The following DENND4A variants were observed in gnomAD, a reference collection of about 807,000 sequenced individuals.
The protein encoded by DENND4A is DENN domain containing 4A.
Under a neutral mutation model 199.3 loss-of-function variants are expected in DENND4A, and 70 were observed. The ratio of observed to expected loss-of-function variants is 0.35; its 90% CI spans 0.29 to 0.43. The LOEUF is 0.43. Among genes scored for constraint, DENND4A ranks in the 20% least tolerant of loss-of-function variants. The pLI is 1.00. For synonymous variants in DENND4A, 686 were observed against 766.9 expected, an observed-to-expected ratio of 0.89 and a Z score of 1.74; for missense variants, 1,723 against 2,255.8, an observed-to-expected ratio of 0.76 and a Z score of 4.78.
chr15:65,710,071 G>A (rs191476255), intron 14 of DENND4A, among the ~76,000 whole-genome samples: 12 of 152,082 alleles, frequency 7.9e-5, no homozygotes, highest in Admixed American at 3.9e-4. Flanking sequence ...TAAACAACAG[G>A]TGGCCTACAG....
At chr15:65,689,624 C>A (rs1328295259) in intron 23 of DENND4A, among the ~76,000 whole-genome samples, 1 of 152,188 alleles carries the variant, frequency 6.6e-6, no homozygotes, top group Non-Finnish European at 1.5e-5. Context: ...TCTGGCAGCT[C>A]CTGAATCGAG....
intron 14 of DENND4A, among the ~76,000 whole-genome samples, chr15:65,713,403 G>A (rs531439910): frequency 7.6e-4 from 115 of 152,254 alleles, no homozygotes; most frequent in Middle Eastern, 3.4e-3. Context: ...ACCTATTAGA[G>A]GAACACAATG....
At position 65,690,777 on chromosome 15, in the gene DENND4A, G is replaced by T. The variant is rs908967441; in HGVS notation, c.3817C>A (p.Gln1273Lys). ...LTSRTPSIDL[Q>K]RACDDKLNKK... is the part of the protein sequence containing the mutation. ...TTTAATTTATCATCACATGCCCGTT[G>T]TAAATCAATGCTTGGTGTACGACTT... Residue 1273 changes from glutamine to lysine, a missense_variant, in exon 23 of 33, where the codon CAA becomes AAA. Physicochemically the swap from Gln to Lys is moderately conservative, Grantham distance 53 (BLOSUM62 1). Transcript: ENST00000443035. 6 of 1,613,310 alleles carry T rather than the reference G, an allele frequency of 3.7e-6. No homozygotes were observed. The African/African-American group carries it at 8.0e-5, about 22-fold the overall frequency.
At chr15:65,671,188 G>C (rs1264083037) in intron 25 of DENND4A, among the ~76,000 whole-genome samples, 1 of 152,114 alleles carries the variant, frequency 6.6e-6, no homozygotes, top group African/African-American at 2.4e-5. Flanking sequence ...GAACATTCAT[G>C]AAACAAACCC....
intron 20 of DENND4A, among the ~76,000 whole-genome samples, chr15:65,700,045 A>T (rs1177800843): frequency 6.6e-6 from 1 of 151,970 alleles, no homozygotes; most frequent in Non-Finnish European, 1.5e-5. Context: ...TAAGATTTAG[A>T]AGTTGCAAAA....
rs1392054789 is a variant in DENND4A at position 65,771,318 on chromosome 15, A to G, written c.-101-9880T>C. 3.1e-6 allele frequency: 5 copies of G among 1,589,200 alleles called. No homozygotes were observed. The African/African-American group carries it at 6.7e-5, about 21-fold the overall frequency. ...GTTTTTTGTTGTCTTTCTTTCCAGCAGTTATTTCGAATATTAGTCACATAA... is the reference window on the plus strand; with the variant it reads ...GTTTTTTGTTGTCTTTCTTTCCAGCGGTTATTTCGAATATTAGTCACATAA... On this transcript the variant is annotated intron_variant, in intron 1 of 32. Transcript: ENST00000443035.
intron 24 of DENND4A, among the ~76,000 whole-genome samples, chr15:65,673,781 T>G (rs1339636692): frequency 6.6e-6 from 1 of 152,164 alleles, no homozygotes; most frequent in Non-Finnish European, 1.5e-5. Flanking sequence ...TTGATGCTTC[T>G]TCCCAAAAAC....
chr15:65,788,201 C>G (rs900703737), intron 1 of DENND4A, among the ~76,000 whole-genome samples: 50 of 152,044 alleles, frequency 3.3e-4, no homozygotes, highest in African/African-American at 1.1e-3. Flanking sequence ...CTCAGCCTCC[C>G]GAGTAGCTGG....
intron 3 of DENND4A, among the ~76,000 whole-genome samples, chr15:65,752,870 T>C (rs1454828793): frequency 6.6e-6 from 1 of 152,190 alleles, no homozygotes; most frequent in Non-Finnish European, 1.5e-5. Context: ...CAGAGAAAGG[T>C]ACAATTAAAT....
chr15:65,773,002 CAAA>C (rs61241995), intron 1 of DENND4A, among the ~76,000 whole-genome samples: 6 of 102,146 alleles, frequency 5.9e-5, no homozygotes, highest in South Asian at 3.1e-4. Context: ...TGTTTCTAAG[CAAA>C]AAAAAAAAAA....
intron 15 of DENND4A, among the ~76,000 whole-genome samples, chr15:65,705,311 T>C (rs556275318): frequency 6.9e-4 from 105 of 152,328 alleles, no homozygotes; most frequent in African/African-American, 2.5e-3. Flanking sequence ...GGGTGATAGA[T>C]GTGAAATGGT....
At chr15:65,699,184 T>C (rs2077261482) in intron 20 of DENND4A, among the ~76,000 whole-genome samples, 1 of 152,170 alleles carries the variant, frequency 6.6e-6, no homozygotes, top group African/African-American at 2.4e-5. Context: ...ACTATGAATA[T>C]TACATTTCAA....
At chr15:65,783,445 A>G (rs2077485389) in intron 1 of DENND4A, among the ~76,000 whole-genome samples, 1 of 152,210 alleles carries the variant, frequency 6.6e-6, no homozygotes, top group African/African-American at 2.4e-5. Flanking sequence ...TACAGATAAT[A>G]GTTATATATG....
intron 4 of DENND4A, among the ~76,000 whole-genome samples, chr15:65,742,818 A>G (rs1040568585): frequency 7.9e-5 from 12 of 152,178 alleles, no homozygotes; most frequent in African/African-American, 2.9e-4. Context: ...TATATGCTCA[A>G]TGAGGGTAGG....
At chr15:65,738,928 A>G (rs2076180129) in intron 5 of DENND4A, 53 bp from the exon 6 acceptor site, 9 of 1,301,326 alleles carry the variant, frequency 6.9e-6, no homozygotes, top group Non-Finnish European at 9.3e-6. Context: ...TTAGGTACTT[A>G]TTATTTCAAT....
chr15:65,791,841 G>A lies in DENND4A; in HGVS notation c.-102+169C>T, dbSNP rs141113518. 7.5e-3 allele frequency among the ~76,000 whole-genome samples: 1,145 copies of A among 152,278 alleles called. 15 individuals are homozygous for A. The highest frequency in any genetic ancestry group is 0.026 in the African/African-American group (1,072 of 41,580). On this transcript the variant is annotated intron_variant, in intron 1 of 32. Coordinates refer to ENST00000443035, the MANE Select transcript of DENND4A (RefSeq NM_001320835.1). ...CCGCCGCGCCATCCCGGGGCGGACCGAGCCGCGGAGCACCTCCCGGATCTC... is the reference window on the plus strand; with the variant it reads ...CCGCCGCGCCATCCCGGGGCGGACCAAGCCGCGGAGCACCTCCCGGATCTC...
chr15:65,747,996 C>T lies in DENND4A; in HGVS notation c.561+4383G>A, dbSNP rs560935294. 9.9e-5 allele frequency among the ~76,000 whole-genome samples: 13 copies of T among 131,202 alleles called. No individual in the cohort carries two copies. In the South Asian group the frequency reaches 2.9e-3, roughly 29 times the overall value. 86.1% of individuals were successfully genotyped at this position (131,202 alleles called of 152,430 possible). On this transcript the variant is annotated intron_variant, in intron 4 of 32. Coordinates refer to ENST00000443035, the MANE Select transcript of DENND4A (RefSeq NM_001320835.1). Reference sequence around the variant, plus strand: ...TGGAGGTTGCAGTGAGCTGAGATGGCACCACTGCACTCCAGCCTGGGCGAC... The same window carrying T: ...TGGAGGTTGCAGTGAGCTGAGATGGTACCACTGCACTCCAGCCTGGGCGAC...
intron 14 of DENND4A, among the ~76,000 whole-genome samples, chr15:65,714,424 C>CA (rs56931007): frequency 0.03 from 4,465 of 148,036 alleles, 289 homozygotes; most frequent in Admixed American, 0.17. Context: ...AAAAAAAAAA[C>CA]AAAAAAAAAA....
At chr15:65,776,393 C>A (rs2077284123) in intron 1 of DENND4A, among the ~76,000 whole-genome samples, 1 of 152,106 alleles carries the variant, frequency 6.6e-6, no homozygotes, top group Non-Finnish European at 1.5e-5. Context: ...AAAAGGGAGA[C>A]ATTTTTAGTC....
Sources: allele counts gnomAD v4.1 joint callset (sites outside exome capture counted in the v4.1 genomes callset), GRCh38; gene constraint gnomAD v4.1.1; transcripts MANE v1.5; gene names NCBI Gene and HGNC (gene_info 2026-07-23, HGNC 2026-07-21).